AHCYL2: variants seen among roughly 807,000 people sequenced by gnomAD.
AHCYL2 encodes adenosylhomocysteinase like 2.
AHCYL2 carries 28 observed loss-of-function variants against 81.4 expected under a neutral mutation model. The observed-to-expected ratio is 0.34, with a 90% confidence interval of 0.25 to 0.47. The LOEUF (loss-of-function observed/expected upper bound fraction) is 0.47, where lower values mean the gene tolerates loss of function less well. Ranked by LOEUF, AHCYL2 falls within the 20% of genes least tolerant of loss-of-function variation. AHCYL2 has a pLI of 1.00. For synonymous variants in AHCYL2, 272 were observed against 290.2 expected, an observed-to-expected ratio of 0.94 and a Z score of 0.64; for missense variants, 551 against 785.1, an observed-to-expected ratio of 0.70 and a Z score of 3.56.
intron 1 of AHCYL2, among the ~76,000 whole-genome samples, chr7:129,339,822 G>C (rs577958116): frequency 6.6e-6 from 1 of 151,454 alleles, no homozygotes; most frequent in East Asian, 1.9e-4. Context: ...GAGCCACCTC[G>C]CCTGGCCACT....
chr7:129,297,879 C>T (rs1191025798), intron 1 of AHCYL2, among the ~76,000 whole-genome samples: 1 of 151,986 alleles, frequency 6.6e-6, no homozygotes, highest in Non-Finnish European at 1.5e-5. Flanking sequence ...AAAAATTAGC[C>T]CGACATGGTG....
intron 1 of AHCYL2, among the ~76,000 whole-genome samples, chr7:129,277,279 T>A (rs2694588): frequency 6.3e-5 from 8 of 126,702 alleles, no homozygotes; most frequent in African/African-American, 1.2e-4. Context: ...AGTCTCTCTC[T>A]TTTTTTTTTT....
intron 1 of AHCYL2, among the ~76,000 whole-genome samples, chr7:129,289,789 CTT>C (rs550826156): frequency 6.9e-6 from 1 of 145,730 alleles, no homozygotes; most frequent in Non-Finnish European, 1.5e-5. Flanking sequence ...TTCTTTCTTT[CTT>C]TTTTTTTTTG....
intron 1 of AHCYL2, among the ~76,000 whole-genome samples, chr7:129,350,039 T>C (rs1467901964): frequency 2.0e-5 from 3 of 152,204 alleles, no homozygotes; most frequent in African/African-American, 7.2e-5. Flanking sequence ...GAAACATTTG[T>C]CCCAAATTTA....
chr7:129,399,761 C>G (rs1191469166), intron 5 of AHCYL2, among the ~76,000 whole-genome samples: 1 of 147,774 alleles, frequency 6.8e-6, no homozygotes, highest in African/African-American at 2.5e-5. Flanking sequence ...GAGTCACGCC[C>G]TGTCGCCCAG....
chr7:129,316,734 T>A (rs1797836688), intron 1 of AHCYL2, among the ~76,000 whole-genome samples: 1 of 152,250 alleles, frequency 6.6e-6, no homozygotes, highest in African/African-American at 2.4e-5. Flanking sequence ...ATTCTCAGTG[T>A]GTTTCAGTAG....
intron 1 of AHCYL2, among the ~76,000 whole-genome samples, chr7:129,369,346 A>C (rs1366639158): frequency 6.6e-6 from 1 of 152,222 alleles, no homozygotes; most frequent in Non-Finnish European, 1.5e-5. Flanking sequence ...TAGACTCTCT[A>C]AAACATATTT....
At chr7:129,411,062 G>C (rs1052936152) in intron 11 of AHCYL2, among the ~76,000 whole-genome samples, 3 of 151,462 alleles carry the variant, frequency 2.0e-5, no homozygotes, top group Non-Finnish European at 4.4e-5. Context: ...ACCCTGCCCA[G>C]CCTGGACCTT....
intron 1 of AHCYL2, among the ~76,000 whole-genome samples, chr7:129,350,868 T>C (rs1793538063): frequency 6.6e-6 from 1 of 151,906 alleles, no homozygotes; most frequent in South Asian, 2.1e-4. Context: ...GATGCCCCGC[T>C]AATTTTTGTA....
intron 1 of AHCYL2, among the ~76,000 whole-genome samples, chr7:129,300,253 T>C (rs1416934088): frequency 6.6e-6 from 1 of 152,196 alleles, no homozygotes; most frequent in Non-Finnish European, 1.5e-5. Context: ...TCCTGGTTTT[T>C]TGTACCCATG....
intron 1 of AHCYL2, among the ~76,000 whole-genome samples, chr7:129,313,862 C>G (rs1010439862): frequency 6.6e-6 from 1 of 152,110 alleles, no homozygotes; most frequent in African/African-American, 2.4e-5. Context: ...TTTCTTTTTA[C>G]TATTATGTGA....
At position 129,386,163 on chromosome 7, in the gene AHCYL2, G is replaced by A. The variant is rs146692008; in HGVS notation, c.476-2893G>A. 2.7e-3 allele frequency among the ~76,000 whole-genome samples: 417 copies of A among 152,070 alleles called. 1 individual carries two copies. Among genetic ancestry groups the A allele is most frequent in the Non-Finnish European group, 4.6e-3 (315 of 67,976 alleles). ...TTGGTTCTTACCTGATAGCAGGTCC[G>A]TATAAAGGGCTCTTTGAGGCCGGGC... On this transcript the variant is annotated intron_variant, in intron 2 of 16. Transcript: ENST00000325006.
chr7:129,408,290 C>T (rs1563241742), intron 10 of AHCYL2, among the ~76,000 whole-genome samples: 1 of 152,142 alleles, frequency 6.6e-6, no homozygotes, highest in Non-Finnish European at 1.5e-5. Flanking sequence ...CTATAGTAAT[C>T]TAGGCAAGAA....
intron 1 of AHCYL2, among the ~76,000 whole-genome samples, chr7:129,242,455 C>T (rs143715559): frequency 0.026 from 3,944 of 152,058 alleles, 161 homozygotes; most frequent in African/African-American, 0.089. Context: ...CAGTGGCTCA[C>T]GCCTATAATC....
chr7:129,424,716 G>A (rs1797277777), intron 13 of AHCYL2, 158 bp from the exon 14 acceptor site: 1 of 669,846 alleles, frequency 1.5e-6, no homozygotes, highest in South Asian at 1.8e-5. Flanking sequence ...TCATTTAAAT[G>A]TCAGTCAGTT....
At chr7:129,307,978 CT>C (rs1797504596) in intron 1 of AHCYL2, among the ~76,000 whole-genome samples, 1 of 151,710 alleles carries the variant, frequency 6.6e-6, no homozygotes, top group Non-Finnish European at 1.5e-5. Context: ...ATCCTCTTTA[CT>C]CTTCCTTCTC....
chr7:129,409,887 A>G (rs994436071), intron 11 of AHCYL2, among the ~76,000 whole-genome samples: 5 of 151,930 alleles, frequency 3.3e-5, no homozygotes, highest in Admixed American at 6.6e-5. Flanking sequence ...ATTTTTAAAA[A>G]CAGAAAATCA....
intron 5 of AHCYL2, 100 bp from the exon 6 acceptor site, chr7:129,400,190 G>A (rs779163039): frequency 1.1e-4 from 104 of 990,296 alleles, no homozygotes; most frequent in Non-Finnish European, 9.2e-5. Context: ...AGCAGAATGA[G>A]AGAGTTGGAA....
intron 10 of AHCYL2, among the ~76,000 whole-genome samples, chr7:129,407,312 A>G (rs952838476): frequency 6.6e-6 from 1 of 152,206 alleles, no homozygotes; most frequent in South Asian, 2.1e-4. Flanking sequence ...TGATTATGCC[A>G]CTACGCTCCA....
Sources: gnomAD v4.1 joint callset for allele counts (sites outside exome capture counted in the v4.1 genomes callset) on GRCh38, gnomAD v4.1.1 for gene constraint, MANE v1.5 for transcripts, NCBI Gene and HGNC (gene_info 2026-07-23, HGNC 2026-07-21) for gene names.